Variants in DNAH12 observed in about 807,000 individuals in gnomAD.
DNAH12 encodes dynein axonemal heavy chain 12, also known as axonemal beta dynein heavy chain 12.
A neutral mutation model predicts 371.5 loss-of-function variants in DNAH12; 285 were observed. The observed-to-expected ratio is 0.77, with a 90% CI of 0.70 to 0.85. The LOEUF (loss-of-function observed/expected upper bound fraction) is 0.85, where lower values mean the gene tolerates loss of function less well. DNAH12 is among the 40% of genes least tolerant of loss of function. The pLI is 0.00. For missense variants in DNAH12, 3,611 were observed against 3,689.4 expected (o/e 0.98, Z 0.55); for synonymous variants, 1,200 against 1,213.0 (o/e 0.99, Z 0.22).
At chr3:57,420,265 GTAAAAAAAGTTTTAA>G (rs2064526717) in intron 36 of DNAH12, among the ~76,000 whole-genome samples, 1 of 152,002 alleles carries the variant, frequency 6.6e-6, no homozygotes, top group Non-Finnish European at 1.5e-5. Context: ...CCACTGTTAA[GTAAAAAAAGTTTTAA>G]TACCTGCCAA....
At chr3:57,467,820 C>T (rs1486463084) in intron 17 of DNAH12, among the ~76,000 whole-genome samples, 3 of 152,082 alleles carry the variant, frequency 2.0e-5, no homozygotes, top group Non-Finnish European at 4.4e-5. Context: ...AATATGGCTG[C>T]CATTCACCAC....
intron 14 of DNAH12, 132 bp from the exon 15 acceptor site, chr3:57,471,738 T>C (rs986981426): frequency 7.1e-6 from 5 of 701,796 alleles, no homozygotes; most frequent in African/African-American, 3.7e-5. Flanking sequence ...AAACAATGCC[T>C]ATAATTACTA....
At chr3:57,501,098 T>A (rs2153390211) in intron 11 of DNAH12, among the ~76,000 whole-genome samples, 1 of 152,328 alleles carries the variant, frequency 6.6e-6, no homozygotes, top group East Asian at 1.9e-4. Context: ...TATTTTTGCA[T>A]CACCAAATCT....
intron 42 of DNAH12, among the ~76,000 whole-genome samples, chr3:57,404,601 T>C (rs561237017): frequency 6.6e-6 from 1 of 152,142 alleles, no homozygotes; most frequent in East Asian, 1.9e-4. Context: ...ATGCCTGTAC[T>C]CCCAGCTACC....
rs769551985 is a variant in DNAH12 at position 57,504,070 on chromosome 3, T to C, written c.1032A>G (p.Gln344=). 2 of 1,614,020 alleles carry C rather than the reference T, an allele frequency of 1.2e-6. No homozygotes were observed. Among genetic ancestry groups the C allele is most frequent in the East Asian group, 4.5e-5 (2 of 44,852 alleles). The part of the protein sequence containing the change: ...DDKMEFYPTF[Q]DLEDNVLSLV... ...AACTCAAGACATTATCTTCCAAATC[T>C]TGAAAGGTAGGATAAAATTCCATTT... Residue 344 remains glutamine, a synonymous_variant, in exon 9 of 74, where the codon CAA becomes CAG. Coordinates refer to ENST00000495027, the MANE Select transcript of DNAH12 (RefSeq NM_001366028.2).
chr3:57,431,826 C>G (rs774558092), intron 32 of DNAH12, among the ~76,000 whole-genome samples: 2 of 152,150 alleles, frequency 1.3e-5, no homozygotes, highest in Admixed American at 1.3e-4. Flanking sequence ...TTCCCATCTT[C>G]CACAAAGGCT....
chr3:57,304,727 C>T (rs978590280), intron 69 of DNAH12, among the ~76,000 whole-genome samples: 4 of 152,060 alleles, frequency 2.6e-5, no homozygotes, highest in African/African-American at 4.8e-5. Context: ...CAGCAAGTAC[C>T]GCTTTTCTGG....
intron 69 of DNAH12, among the ~76,000 whole-genome samples, chr3:57,306,311 G>A (rs574742990): frequency 2.5e-3 from 385 of 152,120 alleles, no homozygotes; most frequent in African/African-American, 8.7e-3. Context: ...TTCCCTTGCC[G>A]CCATAACTGT....
At chr3:57,385,500 T>C (rs923621562) in intron 47 of DNAH12, 71 bp from the exon 48 acceptor site, 52 of 152,218 alleles carry the variant, frequency 3.4e-4, no homozygotes, top group African/African-American at 1.1e-3. Flanking sequence ...ATGCAGAAAA[T>C]AGAAATTTAA....
rs1255818568 is a variant in DNAH12 at position 57,519,647 on chromosome 3, C to T, written c.279+3936G>A. On this transcript the variant is annotated intron_variant, in intron 4 of 73. Transcript: ENST00000495027. Reference sequence around the variant, plus strand: ...TCCACCAAGGCTCTGAACAACTGCACTAAGAAGCCTTCTAACCGCTCTCAT... The same window carrying T: ...TCCACCAAGGCTCTGAACAACTGCATTAAGAAGCCTTCTAACCGCTCTCAT... The T allele has an allele frequency of 4.3e-6, 6 of 1,399,234 alleles. 1 individual carries two copies. The highest frequency in any genetic ancestry group is 2.5e-4 in the Middle Eastern group (1 of 4,040). 86.7% of individuals were successfully genotyped at this position (1,399,234 alleles called of 1,614,324 possible). A position where few individuals can be genotyped will look rare whatever the true frequency, so the allele number is the denominator to read the frequency against.
intron 59 of DNAH12, among the ~76,000 whole-genome samples, chr3:57,355,615 G>A (rs941851815): frequency 8.6e-5 from 13 of 152,020 alleles, no homozygotes; most frequent in African/African-American, 3.1e-4. Flanking sequence ...CTTACAAAGT[G>A]GCCACCTTAT....
At chr3:57,521,188 T>C (rs1438119345) in intron 4 of DNAH12, among the ~76,000 whole-genome samples, 2 of 151,888 alleles carry the variant, frequency 1.3e-5, no homozygotes, top group Non-Finnish European at 2.9e-5. Context: ...GTTTATCCTA[T>C]GCCTTTTTCT....
chr3:57,300,274 T>C (rs1214936662), intron 70 of DNAH12, among the ~76,000 whole-genome samples: 1 of 152,110 alleles, frequency 6.6e-6, no homozygotes, highest in African/African-American at 2.4e-5. Context: ...ACAGAAATAA[T>C]AGAAAATTCA....
At chr3:57,377,512 A>T (rs1523104) in intron 52 of DNAH12, among the ~76,000 whole-genome samples, 118,029 of 151,898 alleles carry the variant, frequency 0.78, 46,444 homozygotes, top group African/African-American at 0.87. Flanking sequence ...AAATAATGAG[A>T]AGGTGTCACT....
chr3:57,355,058 G>C (rs2062766320), intron 59 of DNAH12, among the ~76,000 whole-genome samples: 1 of 152,070 alleles, frequency 6.6e-6, no homozygotes, highest in African/African-American at 2.4e-5. Context: ...TATCTTGACT[G>C]TATTAATGTT....
intron 43 of DNAH12, among the ~76,000 whole-genome samples, chr3:57,399,056 G>A (rs2063802608): frequency 6.6e-6 from 1 of 151,962 alleles, no homozygotes; most frequent in African/African-American, 2.4e-5. Context: ...GCTATAAAGG[G>A]GTAACATTTT....
intron 62 of DNAH12, among the ~76,000 whole-genome samples, chr3:57,330,072 G>A (rs1406119196): frequency 2.0e-5 from 3 of 151,854 alleles, no homozygotes; most frequent in Non-Finnish European, 2.9e-5. Context: ...AACAGGTGCT[G>A]GAGAGGATGT....
chr3:57,499,976 C>A (rs1009973881), intron 11 of DNAH12, among the ~76,000 whole-genome samples: 4 of 151,198 alleles, frequency 2.6e-5, no homozygotes, highest in African/African-American at 9.7e-5. Context: ...ACCAATAGAA[C>A]AAGGTCCCTT....
chr3:57,372,121 AAAG>A (rs1242777846), intron 55 of DNAH12, among the ~76,000 whole-genome samples: 3,585 of 152,070 alleles, frequency 0.024, 60 homozygotes, highest in Admixed American at 0.035. Flanking sequence ...AACTGCTAGA[AAAG>A]AAGAATTGGA....
Sources: gnomAD v4.1 joint callset for allele counts (sites outside exome capture counted in the v4.1 genomes callset) on GRCh38, gnomAD v4.1.1 for gene constraint, MANE v1.5 for transcripts, NCBI Gene and HGNC (gene_info 2026-07-23, HGNC 2026-07-21) for gene names.